CNTNAP4: variants seen among roughly 807,000 people sequenced by gnomAD.
CNTNAP4 encodes the protein contactin associated protein family member 4.
In CNTNAP4, 98 loss-of-function variants were observed where a neutral mutation model predicts 148.4. The observed-to-expected ratio is 0.66, with a 90% CI of 0.56 to 0.78. The LOEUF (loss-of-function observed/expected upper bound fraction) is 0.78, where lower values mean the gene tolerates loss of function less well. Ranked by LOEUF, CNTNAP4 falls within the 30% of genes least tolerant of loss-of-function variation. The pLI, the probability that CNTNAP4 is intolerant of heterozygous loss-of-function variation, is 0.00. For synonymous variants in CNTNAP4, 730 were observed against 565.1 expected, an observed-to-expected ratio of 1.29 and a Z score of -4.14; for missense variants, 1,935 against 1,565.6, an observed-to-expected ratio of 1.24 and a Z score of -3.98.
intron 3 of CNTNAP4, among the ~76,000 whole-genome samples, chr16:76,368,510 A>G (rs978412405): frequency 6.6e-6 from 1 of 152,212 alleles, no homozygotes; most frequent in African/African-American, 2.4e-5. Context: ...AAATGAGTTC[A>G]TGTCCTTTGC....
At chr16:76,470,013 T>C (rs1254031311) in intron 10 of CNTNAP4, among the ~76,000 whole-genome samples, 2 of 152,034 alleles carry the variant, frequency 1.3e-5, no homozygotes, top group East Asian at 1.9e-4. Flanking sequence ...AAAAAATCTG[T>C]GTACCAGGCC....
At chr16:76,385,030 A>G (rs915387445) in intron 3 of CNTNAP4, among the ~76,000 whole-genome samples, 1 of 152,268 alleles carries the variant, frequency 6.6e-6, no homozygotes, top group African/African-American at 2.4e-5. Flanking sequence ...TAGTGAAGAT[A>G]TACATATGAA....
At chr16:76,480,255 T>C (rs2081772822) in intron 12 of CNTNAP4, among the ~76,000 whole-genome samples, 1 of 152,186 alleles carries the variant, frequency 6.6e-6, no homozygotes, top group South Asian at 2.1e-4. Context: ...ACTATTAGGA[T>C]TGTCATTGAA....
intron 15 of CNTNAP4, among the ~76,000 whole-genome samples, chr16:76,504,591 A>G (rs573561235): frequency 1.3e-5 from 2 of 152,254 alleles, no homozygotes; most frequent in South Asian, 4.1e-4. Context: ...TAAAAGTACA[A>G]TTCATAGAAT....
Position 76,430,452 on chromosome 16 carries a change from A to G in CNTNAP4, c.538+2853A>G, listed in dbSNP as rs2079566161. Among the ~76,000 whole-genome samples, 3 of 152,006 alleles carry G rather than the reference A, an allele frequency of 2.0e-5. No homozygotes were observed. In the South Asian group the frequency reaches 6.2e-4, roughly 31 times the overall value. On this transcript the variant is annotated intron_variant, in intron 4 of 23. Transcript: ENST00000611870. ...ATCCTGTTGCAAGAGTTTGTCTGCA[A>G]CTCCCTTAAGTAGCACAGACCCAAG...
At position 76,448,786 on chromosome 16, in the gene CNTNAP4, C is replaced by T. The variant is rs1182710586; in HGVS notation, c.762C>T (p.Ser254=). The T allele has an allele frequency of 1.2e-6, 2 of 1,607,514 alleles. No individual in the cohort carries two copies. Among genetic ancestry groups the T allele is most frequent in the Admixed American group, 1.7e-5 (1 of 59,146 alleles). The change falls in exon 6 of 24, where the codon TCC becomes TCT. Residue 254 remains serine (S), a synonymous_variant. Transcript: ENST00000611870. ...TCTAAGGTGAAGCTAAACTGCCTTC[C>T]ACTTCCACCCTGGTCAATCTCACCC... ...LINSGEAKLP[S]TSTLVNLTLG... is the part of the protein sequence containing the mutation.
intron 21 of CNTNAP4, among the ~76,000 whole-genome samples, chr16:76,549,138 G>GT (rs1181830415): frequency 6.6e-6 from 1 of 152,118 alleles, no homozygotes; most frequent in East Asian, 1.9e-4. Context: ...TTGGAAGGAA[G>GT]TCCGGGGGCC....
At chr16:76,332,538 AT>A (rs1044149035) in intron 2 of CNTNAP4, among the ~76,000 whole-genome samples, 60 of 151,288 alleles carry the variant, frequency 4.0e-4, no homozygotes, top group Admixed American at 1.5e-3. Context: ...TGCCATTATT[AT>A]TTTTTTTTAT....
intron 7 of CNTNAP4, among the ~76,000 whole-genome samples, chr16:76,451,989 T>C (rs1202177109): frequency 6.6e-6 from 1 of 152,028 alleles, no homozygotes; most frequent in Admixed American, 6.6e-5. Context: ...AAATATCACA[T>C]GTGCCTCATA....
In CNTNAP4 at chr16:76,282,655, A is replaced by T. The variant is rs941597390; in HGVS notation, c.85+4908A>T. ...ATTTTCATTTAAGCACTGCCCACTA[A>T]GAGCTCATGATATTTAAGCAAGTGA... On this transcript the variant is annotated intron_variant, in intron 1 of 23. Coordinates refer to ENST00000611870, the MANE Select transcript of CNTNAP4 (RefSeq NM_033401.5). Among the ~76,000 whole-genome samples, 5 of 152,036 alleles carry T rather than the reference A, an allele frequency of 3.3e-5. No homozygotes were observed. The East Asian group carries it at 9.7e-4, about 29-fold the overall frequency.
At chr16:76,401,387 A>G (rs1337068610) in intron 3 of CNTNAP4, among the ~76,000 whole-genome samples, 2 of 152,068 alleles carry the variant, frequency 1.3e-5, no homozygotes, top group East Asian at 1.9e-4. Flanking sequence ...ATTTTTGGAC[A>G]TTGATTTTGT....
At chr16:76,402,966 T>C (rs550085847) in intron 3 of CNTNAP4, among the ~76,000 whole-genome samples, 86 of 152,284 alleles carry the variant, frequency 5.6e-4, no homozygotes, top group African/African-American at 1.9e-3. Context: ...AATTAAGCAA[T>C]CAATTTTAGA....
chr16:76,339,967 A>C (rs1157416225), intron 2 of CNTNAP4, among the ~76,000 whole-genome samples: 1 of 152,194 alleles, frequency 6.6e-6, no homozygotes, highest in Non-Finnish European at 1.5e-5. Flanking sequence ...AGGTGGAGGG[A>C]AGGAAGTCCT....
intron 14 of CNTNAP4, among the ~76,000 whole-genome samples, chr16:76,496,205 ACTCC>A (rs2082397698): frequency 6.6e-6 from 1 of 151,270 alleles, no homozygotes; most frequent in South Asian, 2.1e-4. Flanking sequence ...TCAAATTTCT[ACTCC>A]CTTTGGAAGG....
intron 17 of CNTNAP4, among the ~76,000 whole-genome samples, chr16:76,535,028 A>G (rs1376299570): frequency 6.6e-6 from 1 of 152,218 alleles, no homozygotes; most frequent in Non-Finnish European, 1.5e-5. Flanking sequence ...CCAAAAACAA[A>G]TAATCTGACA....
intron 10 of CNTNAP4, chr16:76,469,513 C>A (rs1040992364): frequency 6.6e-6 from 1 of 152,230 alleles, no homozygotes; most frequent in Non-Finnish European, 1.5e-5. Flanking sequence ...GTCACGCACA[C>A]TCTGAGTGGT....
intron 3 of CNTNAP4, among the ~76,000 whole-genome samples, chr16:76,375,422 A>C (rs978275458): frequency 2.6e-5 from 4 of 152,144 alleles, no homozygotes; most frequent in African/African-American, 9.7e-5. Context: ...GCTGTCTCAG[A>C]AAAAGGCATA....
chr16:76,344,890 T>A (rs1057143119), intron 2 of CNTNAP4, among the ~76,000 whole-genome samples: 1 of 152,236 alleles, frequency 6.6e-6, no homozygotes, highest in African/African-American at 2.4e-5. Flanking sequence ...ACTCATATGA[T>A]GTCATGGCAC....
In CNTNAP4 at chr16:76,374,111, T is replaced by G. The variant is rs1198339512; in HGVS notation, c.390+18600T>G. Among the ~76,000 whole-genome samples, 5 of 152,188 alleles carry G rather than the reference T, an allele frequency of 3.3e-5. No individual in the cohort carries two copies. In the South Asian group the frequency reaches 1.0e-3, roughly 31 times the overall value. ...GTTAATTTCTCATACTGAAACGTTG[T>G]CTCCCTTTTGAAGCCATGAGCATTT... On this transcript the variant is annotated intron_variant, in intron 3 of 23. Coordinates refer to ENST00000611870, the MANE Select transcript of CNTNAP4 (RefSeq NM_033401.5).
Sources: allele counts gnomAD v4.1 joint callset (sites outside exome capture counted in the v4.1 genomes callset), GRCh38; gene constraint gnomAD v4.1.1; transcripts MANE v1.5; gene names NCBI Gene and HGNC (gene_info 2026-07-23, HGNC 2026-07-21).